XNDC1N: variants seen among roughly 807,000 people sequenced by gnomAD.
XNDC1N encodes the protein XRCC1 N-terminal domain containing 1, N-terminal like.
the XNDC1N span, among the ~76,000 whole-genome samples, chr11:71,912,346 T>C: frequency 6.6e-6 from 1 of 151,746 alleles, no homozygotes; most frequent in Admixed American, 6.6e-5. Flanking sequence ...TCCCCAAACG[T>C]GGATGTTAGC....
At chr11:71,893,313 T>C in the XNDC1N span, 2 of 530,616 alleles carry the variant, frequency 3.8e-6, no homozygotes, top group Non-Finnish European at 6.9e-6. Flanking sequence ...TCTGAGATTT[T>C]TGGAATTGTC....
the XNDC1N span, among the ~76,000 whole-genome samples, chr11:71,898,062 T>G: frequency 6.6e-6 from 1 of 152,076 alleles, no homozygotes; most frequent in Non-Finnish European, 1.5e-5. Context: ...CGTGTGCCTA[T>G]AGTCCCAACT....
the XNDC1N span, among the ~76,000 whole-genome samples, chr11:71,882,062 A>C: frequency 6.6e-6 from 1 of 152,130 alleles, no homozygotes; most frequent in South Asian, 2.1e-4. Flanking sequence ...ATTATATTGA[A>C]ACTGCCAAAA....
the XNDC1N span, among the ~76,000 whole-genome samples, chr11:71,910,237 A>C: frequency 3.9e-5 from 6 of 152,336 alleles, no homozygotes; most frequent in East Asian, 1.9e-4. Flanking sequence ...CATCAAGCTA[A>C]ACTGACTTTA....
chr11:71,916,141 G>C, the XNDC1N span: 1 of 703,004 alleles, frequency 1.4e-6, no homozygotes. Context: ...GTCCAGAGAA[G>C]AACACACCCG....
chr11:71,899,274 C>A, the XNDC1N span, among the ~76,000 whole-genome samples: 184 of 152,210 alleles, frequency 1.2e-3, 2 homozygotes, highest in East Asian at 2.7e-3. Context: ...GCCTTGAAGA[C>A]GGAGTCTGAG....
the XNDC1N span, among the ~76,000 whole-genome samples, chr11:71,877,318 A>T: frequency 6.6e-6 from 1 of 152,260 alleles, no homozygotes; most frequent in Admixed American, 6.5e-5. Context: ...AAGACCAGGA[A>T]TGTGCATGTA....
At chr11:71,908,718 C>T in the XNDC1N span, among the ~76,000 whole-genome samples, 1 of 152,196 alleles carries the variant, frequency 6.6e-6, no homozygotes, top group East Asian at 1.9e-4. Context: ...TCCAGACCCA[C>T]AACCCCACCT....
the XNDC1N span, chr11:71,884,262 C>T: frequency 1.0e-6 from 1 of 984,384 alleles, no homozygotes; most frequent in East Asian, 2.9e-5. Context: ...AGCATCTCCA[C>T]TTTTTCTCTT....
At chr11:71,897,284 G>GA in the XNDC1N span, among the ~76,000 whole-genome samples, 1 of 152,174 alleles carries the variant, frequency 6.6e-6, no homozygotes, top group Non-Finnish European at 1.5e-5. Context: ...CGAACTGAGT[G>GA]AAAACATAAC....
the XNDC1N span, chr11:71,923,231 A>G: frequency 1.4e-6 from 1 of 697,508 alleles, no homozygotes; most frequent in South Asian, 1.5e-5. Flanking sequence ...GAGTTTCCTG[A>G]AAGTGGAGCC....
chr11:71,879,822 T>A, the XNDC1N span, among the ~76,000 whole-genome samples: 1 of 152,188 alleles, frequency 6.6e-6, no homozygotes, highest in Non-Finnish European at 1.5e-5. Flanking sequence ...GGACATTTAC[T>A]ATGAACAGAA....
At chr11:71,901,396 A>G in the XNDC1N span, among the ~76,000 whole-genome samples, 4,919 of 152,142 alleles carry the variant, frequency 0.032, 322 homozygotes, top group African/African-American at 0.11. Flanking sequence ...CAGTAATTCG[A>G]GACCAGCCTG....
the XNDC1N span, chr11:71,884,695 A>C: frequency 2.5e-6 from 3 of 1,204,444 alleles, no homozygotes; most frequent in Non-Finnish European, 3.5e-6. Flanking sequence ...AATGAATATA[A>C]ATTTTATAAA....
At chr11:71,922,284 A>G in the XNDC1N span, among the ~76,000 whole-genome samples, 5 of 151,946 alleles carry the variant, frequency 3.3e-5, no homozygotes, top group Non-Finnish European at 7.4e-5. Context: ...AAGATCCTCT[A>G]AGGGTTTTTT....
At chr11:71,884,824 C>T in the XNDC1N span, among the ~76,000 whole-genome samples, 1 of 152,120 alleles carries the variant, frequency 6.6e-6, no homozygotes, top group African/African-American at 2.4e-5. Context: ...GAGCCAGCCC[C>T]TTTTGCCCCC....
the XNDC1N span, among the ~76,000 whole-genome samples, chr11:71,919,629 T>G: frequency 7.3e-5 from 10 of 137,712 alleles, 1 homozygote; most frequent in African/African-American, 2.7e-4. Context: ...TTGTTTTTTT[T>G]TTTTTTGAGA....
At chr11:71,892,131 A>G in the XNDC1N span, among the ~76,000 whole-genome samples, 2 of 152,126 alleles carry the variant, frequency 1.3e-5, no homozygotes, top group Non-Finnish European at 2.9e-5. Flanking sequence ...CTCACGGTGT[A>G]CACCCACTGT....
chr11:71,871,621 C>T, the XNDC1N span, among the ~76,000 whole-genome samples: 2 of 152,118 alleles, frequency 1.3e-5, no homozygotes, highest in Non-Finnish European at 2.9e-5. Flanking sequence ...CATAACATCA[C>T]TTTGTACCCA....
Sources: allele counts gnomAD v4.1 joint callset (sites outside exome capture counted in the v4.1 genomes callset), GRCh38; gene constraint gnomAD v4.1.1; transcripts MANE v1.5; gene names NCBI Gene and HGNC (gene_info 2026-07-23, HGNC 2026-07-21).